FSIP1: variants seen among roughly 807,000 people sequenced by gnomAD.
The protein encoded by FSIP1 is fibrous sheath interacting protein 1.
FSIP1 carries 65 observed loss-of-function variants against 60.9 expected under a neutral mutation model. The observed-to-expected ratio is 1.07, with a 90% CI of 0.87 to 1.31. The LOEUF is 1.31. Among genes scored for constraint, FSIP1 ranks in the 40% most tolerant of loss-of-function variants. The probability of loss-of-function intolerance (pLI) is 0.00; values close to 1 mark genes in which losing one functional copy is unlikely to be tolerated. For synonymous variants in FSIP1, 209 were observed against 221.2 expected (o/e 0.94, Z 0.49); for missense variants, 675 against 665.5 (o/e 1.01, Z -0.16).
intron 10 of FSIP1, among the ~76,000 whole-genome samples, chr15:39,632,285 C>T (rs11856294): frequency 0.092 from 13,952 of 152,114 alleles, 772 homozygotes; most frequent in East Asian, 0.21. Flanking sequence ...TCAAGTTATT[C>T]TCCCACCTAG....
chr15:39,739,397 G>A (rs1896727103), intron 7 of FSIP1, among the ~76,000 whole-genome samples: 1 of 152,150 alleles, frequency 6.6e-6, no homozygotes, highest in Non-Finnish European at 1.5e-5. Context: ...GCAAATTGCA[G>A]GAAACAGACT....
At chr15:39,781,583 T>C (rs979314805) in intron 1 of FSIP1, among the ~76,000 whole-genome samples, 2 of 152,032 alleles carry the variant, frequency 1.3e-5, no homozygotes, top group Non-Finnish European at 2.9e-5. Context: ...ATGCCTCAAG[T>C]AGGAAATGGA....
intron 8 of FSIP1, among the ~76,000 whole-genome samples, chr15:39,733,811 T>A (rs913395613): frequency 1.2e-4 from 18 of 151,984 alleles, no homozygotes; most frequent in African/African-American, 4.3e-4. Context: ...CTTGCAAACC[T>A]AAAGACAAAA....
intron 10 of FSIP1, among the ~76,000 whole-genome samples, chr15:39,632,338 G>A (rs1197796670): frequency 6.6e-6 from 1 of 151,930 alleles, no homozygotes; most frequent in African/African-American, 2.4e-5. Context: ...CACCATGCCC[G>A]GCTAATTTTT....
At chr15:39,640,203 T>C (rs1002502232) in intron 10 of FSIP1, among the ~76,000 whole-genome samples, 9 of 152,184 alleles carry the variant, frequency 5.9e-5, no homozygotes. Context: ...AAGCATAAAA[T>C]AGACAGAGAA....
intron 10 of FSIP1, among the ~76,000 whole-genome samples, chr15:39,668,467 A>G (rs576680432): frequency 1.0e-3 from 159 of 152,342 alleles, no homozygotes; most frequent in African/African-American, 3.6e-3. Flanking sequence ...TCTGTCTTCA[A>G]GTTGAAATTT....
At chr15:39,732,006 T>C (rs901661237) in intron 8 of FSIP1, among the ~76,000 whole-genome samples, 3 of 152,130 alleles carry the variant, frequency 2.0e-5, no homozygotes, top group Non-Finnish European at 4.4e-5. Context: ...TGGAAGAAAA[T>C]TATTCCATGG....
At position 39,695,473 on chromosome 15, in the gene FSIP1, T is replaced by C. The variant is rs368325375; in HGVS notation, c.1188+17971A>G. 3.3e-5 allele frequency among the ~76,000 whole-genome samples: 5 copies of C among 152,208 alleles called. 1 individual carries two copies. Among genetic ancestry groups the C allele is most frequent in the Admixed American group, 6.5e-5 (1 of 15,282 alleles). The stretch of plus-strand genomic sequence containing the variant: ...TTAAATTATTGTTTATATACTCCCA[T>C]GAGTTATATTTATTTGTGTCCCCTA... On this transcript the variant is annotated intron_variant, in intron 10 of 11. Coordinates refer to ENST00000350221, the MANE Select transcript of FSIP1 (RefSeq NM_152597.5).
At chr15:39,694,153 T>C (rs975542049) in intron 10 of FSIP1, among the ~76,000 whole-genome samples, 9 of 152,106 alleles carry the variant, frequency 5.9e-5, no homozygotes, top group Non-Finnish European at 1.3e-4. Flanking sequence ...TCTCTGCAAA[T>C]GATACCAAGA....
At chr15:39,683,187 G>A (rs528576302) in intron 10 of FSIP1, among the ~76,000 whole-genome samples, 1 of 152,218 alleles carries the variant, frequency 6.6e-6, no homozygotes, top group African/African-American at 2.4e-5. Context: ...TCTGCTGGCT[G>A]GTCCCTTATT....
At chr15:39,608,947 C>T (rs1451418142) in intron 11 of FSIP1, among the ~76,000 whole-genome samples, 1 of 152,144 alleles carries the variant, frequency 6.6e-6, no homozygotes, top group Non-Finnish European at 1.5e-5. Flanking sequence ...CAAACCCTGC[C>T]ACACCTCAAG....
rs1049157078 is a variant in FSIP1, at chr15:39,702,197, T to G, written c.1188+11247A>C. 2.6e-5 allele frequency among the ~76,000 whole-genome samples: 4 copies of G among 151,756 alleles called. No homozygotes were observed. The East Asian group carries it at 7.9e-4, about 30-fold the overall frequency. ...GGGGTTAACCATTTGGTGTGCTGAC[T>G]CTATGTGGGAGCTCTGACTTGACCT... On this transcript the variant is annotated intron_variant, in intron 10 of 11. Coordinates refer to ENST00000350221, the MANE Select transcript of FSIP1 (RefSeq NM_152597.5).
chr15:39,629,407 T>C (rs1299267615), intron 10 of FSIP1, among the ~76,000 whole-genome samples: 1 of 152,188 alleles, frequency 6.6e-6, no homozygotes, highest in Non-Finnish European at 1.5e-5. Flanking sequence ...TAGATACTTT[T>C]ACATTTGGTT....
chr15:39,765,582 T>A lies in FSIP1; in HGVS notation c.465+10A>T, dbSNP rs764033684. ...TCTTACATGTCAGCATAAGGTTAGATAATTCTTACCTTAATTTCTTCCCAC... is the reference window on the plus strand; with the variant it reads ...TCTTACATGTCAGCATAAGGTTAGAAAATTCTTACCTTAATTTCTTCCCAC... On this transcript the variant is annotated intron_variant, in intron 4 of 11. Coordinates refer to ENST00000350221, the MANE Select transcript of FSIP1 (RefSeq NM_152597.5). 6.4e-7 allele frequency: 1 copy of A among 1,565,590 alleles called. No homozygotes were observed. Among genetic ancestry groups the A allele is most frequent in the Non-Finnish European group, 8.6e-7 (1 of 1,158,240 alleles).
intron 2 of FSIP1, among the ~76,000 whole-genome samples, chr15:39,774,571 A>G (rs968838521): frequency 2.6e-5 from 4 of 152,240 alleles, no homozygotes; most frequent in African/African-American, 9.6e-5. Flanking sequence ...ATCAGATATC[A>G]GTAATTATTA....
chr15:39,623,268 T>C (rs907257003), intron 10 of FSIP1, among the ~76,000 whole-genome samples: 1 of 152,144 alleles, frequency 6.6e-6, no homozygotes, highest in Non-Finnish European at 1.5e-5. Flanking sequence ...GACAAGGCAA[T>C]CAAGATTATG....
intron 4 of FSIP1, among the ~76,000 whole-genome samples, chr15:39,764,216 A>T (rs1409811012): frequency 1.3e-5 from 2 of 152,208 alleles, no homozygotes; most frequent in African/African-American, 4.8e-5. Flanking sequence ...CATAAAATTT[A>T]AAAATTTCAG....
At chr15:39,749,401 G>GT (rs1325343528) in intron 5 of FSIP1, among the ~76,000 whole-genome samples, 1 of 139,590 alleles carries the variant, frequency 7.2e-6, no homozygotes, top group African/African-American at 2.7e-5. Flanking sequence ...GAACATTGAT[G>GT]TAAAAATCCT....
chr15:39,630,341 T>C (rs1462897641), intron 10 of FSIP1, among the ~76,000 whole-genome samples: 2 of 151,976 alleles, frequency 1.3e-5, no homozygotes, highest in Non-Finnish European at 2.9e-5. Context: ...TGAATCCAAA[T>C]TCAGAAGAAT....
Sources: allele counts gnomAD v4.1 joint callset (sites outside exome capture counted in the v4.1 genomes callset), GRCh38; gene constraint gnomAD v4.1.1; transcripts MANE v1.5; gene names NCBI Gene and HGNC (gene_info 2026-07-23, HGNC 2026-07-21).